The following GALNTL6 variants were observed in gnomAD, a reference collection of about 807,000 sequenced individuals.
The protein encoded by GALNTL6 is polypeptide N-acetylgalactosaminyltransferase like 6, also known as polypeptide N-acetylgalactosaminyltransferase-like 6.
GALNTL6 carries 46 observed loss-of-function variants against 73.7 expected under a neutral mutation model. The ratio of observed to expected loss-of-function variants is 0.62; its 90% CI spans 0.49 to 0.80. The LOEUF (loss-of-function observed/expected upper bound fraction) is 0.80. GALNTL6 is among the 30% of genes least tolerant of loss of function. The pLI is 0.00. For synonymous variants in GALNTL6, 259 were observed against 263.7 expected (o/e 0.98, Z 0.17); for missense variants, 604 against 755.0 (o/e 0.80, Z 2.34).
At position 172,197,905 on chromosome 4, in the gene GALNTL6, C is replaced by T. The variant is rs564283892; in HGVS notation, c.139-31751C>T. ...CGGGCAGATCACGAGGTTAAGAGATCGAGACCATCCTGGCTAACACGGTGA... is the reference window on the plus strand; with the variant it reads ...CGGGCAGATCACGAGGTTAAGAGATTGAGACCATCCTGGCTAACACGGTGA... On this transcript the variant is annotated intron_variant, in intron 2 of 12. Coordinates refer to ENST00000506823, the MANE Select transcript of GALNTL6 (RefSeq NM_001034845.3). Among the ~76,000 whole-genome samples the T allele has an allele frequency of 2.6e-5, 4 of 152,152 alleles. No individual in the cohort carries two copies. The East Asian group carries it at 5.8e-4, about 22-fold the overall frequency.
chr4:172,262,111 G>A (rs1738276995), intron 3 of GALNTL6, among the ~76,000 whole-genome samples: 1 of 151,438 alleles, frequency 6.6e-6, no homozygotes, highest in Non-Finnish European at 1.5e-5. Flanking sequence ...ATATCTTGCA[G>A]TTGTTGGATA....
In GALNTL6 at chr4:172,529,500, A is replaced by C. The variant is rs572078989; in HGVS notation, c.553+180811A>C. ...GGTGTGTGTATGTGTGCAATATCAT[A>C]GAATGTTTTGATAGCATTTTTTTCC... On this transcript the variant is annotated intron_variant, in intron 5 of 12. Transcript: ENST00000506823. Among the ~76,000 whole-genome samples the C allele has an allele frequency of 1.1e-4, 17 of 152,082 alleles. 1 individual carries two copies. Among genetic ancestry groups the C allele is most frequent in the Non-Finnish European group, 2.4e-4 (16 of 68,008 alleles).
At chr4:172,514,774 G>T (rs1030227114) in intron 5 of GALNTL6, among the ~76,000 whole-genome samples, 3 of 152,036 alleles carry the variant, frequency 2.0e-5, no homozygotes, top group South Asian at 2.1e-4. Flanking sequence ...GTGCCTACAG[G>T]GCTCTTCCCT....
At chr4:172,681,418 C>T (rs771848708) in intron 5 of GALNTL6, among the ~76,000 whole-genome samples, 10 of 151,784 alleles carry the variant, frequency 6.6e-5, no homozygotes, top group South Asian at 2.1e-4. Context: ...AGTCCAATGA[C>T]GTTTAGTGTG....
chr4:172,099,801 A>G (rs1243893617), intron 2 of GALNTL6, among the ~76,000 whole-genome samples: 2 of 152,250 alleles, frequency 1.3e-5, no homozygotes, highest in African/African-American at 4.8e-5. Context: ...ACGATACTTA[A>G]ATATAAGAAG....
intron 5 of GALNTL6, among the ~76,000 whole-genome samples, chr4:172,627,626 G>C (rs1342351895): frequency 6.6e-6 from 1 of 151,758 alleles, no homozygotes; most frequent in Non-Finnish European, 1.5e-5. Context: ...ATCTGGTCAG[G>C]AGCTTTTTGC....
chr4:172,754,875 C>T (rs535822837), intron 5 of GALNTL6, among the ~76,000 whole-genome samples: 2 of 149,448 alleles, frequency 1.3e-5, no homozygotes, highest in Non-Finnish European at 3.0e-5. Context: ...GAAAACAGAT[C>T]AAAGCTCCTT....
At chr4:172,069,283 T>C (rs1217520786) in intron 2 of GALNTL6, among the ~76,000 whole-genome samples, 1 of 106,926 alleles carries the variant, frequency 9.4e-6, no homozygotes, top group Non-Finnish European at 2.1e-5. Flanking sequence ...AAACCAGTTA[T>C]AGTGGCACTA....
intron 12 of GALNTL6, among the ~76,000 whole-genome samples, chr4:173,030,303 C>A (rs1753403972): frequency 6.6e-6 from 1 of 152,204 alleles, no homozygotes; most frequent in South Asian, 2.1e-4. Context: ...ATTCTATCTT[C>A]CCATCCTGTT....
chr4:172,450,102 A>T (rs927074026), intron 5 of GALNTL6, among the ~76,000 whole-genome samples: 6 of 151,934 alleles, frequency 3.9e-5, no homozygotes, highest in Admixed American at 3.9e-4. Context: ...CTGTAATCCC[A>T]GCTACTTAGG....
At chr4:172,369,594 G>C (rs951384484) in intron 5 of GALNTL6, among the ~76,000 whole-genome samples, 1 of 152,206 alleles carries the variant, frequency 6.6e-6, no homozygotes, top group Non-Finnish European at 1.5e-5. Flanking sequence ...ATGGCGGGCT[G>C]CAGGTCCCGA....
intron 5 of GALNTL6, among the ~76,000 whole-genome samples, chr4:172,588,319 C>T (rs112488196): frequency 0.029 from 4,443 of 152,124 alleles, 113 homozygotes; most frequent in South Asian, 0.084. Context: ...CCAGACAAGG[C>T]GTAGTGGCTC....
chr4:172,813,071 C>T (rs1286098073), intron 6 of GALNTL6, among the ~76,000 whole-genome samples: 1 of 152,110 alleles, frequency 6.6e-6, no homozygotes, highest in Admixed American at 6.6e-5. Flanking sequence ...AGGGGAGCAG[C>T]CACCATGATT....
intron 5 of GALNTL6, among the ~76,000 whole-genome samples, chr4:172,451,599 G>A (rs191035571): frequency 6.4e-4 from 98 of 152,298 alleles, no homozygotes; most frequent in African/African-American, 2.2e-3. Flanking sequence ...AGATGGGTCA[G>A]TGATGCCTAT....
At chr4:172,689,094 T>C (rs1733107424) in intron 5 of GALNTL6, among the ~76,000 whole-genome samples, 1 of 152,168 alleles carries the variant, frequency 6.6e-6, no homozygotes, top group African/African-American at 2.4e-5. Flanking sequence ...AGAAGTTATA[T>C]ATGCTTGTGT....
chr4:172,818,208 T>C (rs1027869157), intron 7 of GALNTL6, among the ~76,000 whole-genome samples: 1 of 152,222 alleles, frequency 6.6e-6, no homozygotes, highest in African/African-American at 2.4e-5. Context: ...ACCCAGGCCC[T>C]AATACATGAC....
intron 5 of GALNTL6, among the ~76,000 whole-genome samples, chr4:172,416,542 T>C (rs1330511975): frequency 1.3e-5 from 2 of 152,208 alleles, no homozygotes; most frequent in Non-Finnish European, 2.9e-5. Flanking sequence ...CCCACCTTTT[T>C]CATAATAATA....
intron 4 of GALNTL6, among the ~76,000 whole-genome samples, chr4:172,346,760 T>C (rs1423187451): frequency 4.6e-5 from 7 of 152,094 alleles, no homozygotes; most frequent in Admixed American, 4.6e-4. Context: ...CATGAGTGAA[T>C]GAATGAATGA....
At chr4:172,201,250 A>T (rs911722013) in intron 2 of GALNTL6, among the ~76,000 whole-genome samples, 1 of 150,896 alleles carries the variant, frequency 6.6e-6, no homozygotes, top group South Asian at 2.1e-4. Context: ...CTCTGTCCCC[A>T]GGCTGGAGTT....
Sources: gnomAD v4.1 joint callset for allele counts (sites outside exome capture counted in the v4.1 genomes callset) on GRCh38, gnomAD v4.1.1 for gene constraint, MANE v1.5 for transcripts, NCBI Gene and HGNC (gene_info 2026-07-23, HGNC 2026-07-21) for gene names.